The following DPH6 variants were observed in gnomAD, a reference collection of about 807,000 sequenced individuals.
The protein encoded by DPH6 is diphthine--ammonia ligase.
Under a neutral mutation model 38.2 loss-of-function variants are expected in DPH6, and 33 were observed. That is an observed-to-expected ratio of 0.86 (90% CI 0.65 to 1.15). DPH6 has a LOEUF of 1.15. Ranked by LOEUF, DPH6 falls within the 50% of genes most tolerant of loss-of-function variation. The pLI, the probability that DPH6 is intolerant of heterozygous loss-of-function variation, is 0.00. For synonymous variants in DPH6, 108 were observed against 103.0 expected (o/e 1.05, Z -0.30); for missense variants, 325 against 320.0 (o/e 1.02, Z -0.12).
At chr15:35,395,000 C>CA (rs143449344) in intron 6 of DPH6, among the ~76,000 whole-genome samples, 50,253 of 151,938 alleles carry the variant, frequency 0.33, 9,270 homozygotes, top group African/African-American at 0.5. Flanking sequence ...AATTGTGCTC[C>CA]ATCTGATAGG....
At chr15:35,467,521 G>A (rs1481607423) in intron 3 of DPH6, among the ~76,000 whole-genome samples, 3 of 152,118 alleles carry the variant, frequency 2.0e-5, no homozygotes, top group Admixed American at 6.6e-5. Context: ...AGCTGAGATC[G>A]CACCACGGCA....
intron 6 of DPH6, among the ~76,000 whole-genome samples, chr15:35,404,248 T>G (rs1397021666): frequency 6.6e-6 from 1 of 152,164 alleles, no homozygotes; most frequent in East Asian, 1.9e-4. Flanking sequence ...TATCTAGCAG[T>G]GAGATTGCTG....
intron 3 of DPH6, among the ~76,000 whole-genome samples, chr15:35,319,628 C>T (rs79369320): frequency 6.6e-6 from 1 of 152,186 alleles, no homozygotes; most frequent in East Asian, 1.9e-4. Flanking sequence ...ATAATCCCAG[C>T]TACTCAGAAG....
intron 3 of DPH6, among the ~76,000 whole-genome samples, chr15:35,537,503 T>C (rs1349937721): frequency 3.3e-5 from 5 of 152,172 alleles, no homozygotes; most frequent in African/African-American, 7.2e-5. Flanking sequence ...AGTTGCTTAA[T>C]ATAAAATCAT....
chr15:35,287,953 T>C (rs1180287658), intron 3 of DPH6, among the ~76,000 whole-genome samples: 1 of 152,216 alleles, frequency 6.6e-6, no homozygotes, highest in East Asian at 1.9e-4. Flanking sequence ...TCAAAGACAG[T>C]GGCATCACTG....
At chr15:35,393,945 GA>G (rs1307048290) in intron 6 of DPH6, among the ~76,000 whole-genome samples, 1 of 152,070 alleles carries the variant, frequency 6.6e-6, no homozygotes, top group Non-Finnish European at 1.5e-5. Flanking sequence ...AGTTTTCTGG[GA>G]GAGTCCAGAG....
At chr15:35,412,846 T>C (rs961036009) in intron 5 of DPH6, among the ~76,000 whole-genome samples, 6 of 151,754 alleles carry the variant, frequency 4.0e-5, no homozygotes, top group South Asian at 2.1e-4. Flanking sequence ...CAAGGTTAAA[T>C]AGGCAGAACA....
chr15:35,519,485 C>T (rs1012224636), intron 3 of DPH6: 1 of 151,942 alleles, frequency 6.6e-6, no homozygotes, highest in Non-Finnish European at 1.5e-5. Context: ...TGATGAACGT[C>T]TGATAAAACT....
chr15:35,171,781 T>A, the DPH6 span, among the ~76,000 whole-genome samples: 1 of 152,032 alleles, frequency 6.6e-6, no homozygotes. Context: ...GGGACTTAAA[T>A]ATAAACACAA....
chr15:35,465,014 T>G (rs2054110714), intron 3 of DPH6, among the ~76,000 whole-genome samples: 1 of 152,182 alleles, frequency 6.6e-6, no homozygotes, highest in African/African-American at 2.4e-5. Context: ...GGTAGAAATC[T>G]AGACACAAAT....
chr15:35,391,404 T>C (rs2053055388), intron 6 of DPH6, among the ~76,000 whole-genome samples: 1 of 152,174 alleles, frequency 6.6e-6, no homozygotes, highest in Admixed American at 6.5e-5. Flanking sequence ...CAGAGGTTAT[T>C]GCTGTCTTTT....
At chr15:35,532,208 C>G (rs2055098992) in intron 3 of DPH6, among the ~76,000 whole-genome samples, 1 of 152,178 alleles carries the variant, frequency 6.6e-6, no homozygotes, top group Non-Finnish European at 1.5e-5. Context: ...GACTGCCAGG[C>G]CCTCTTCTTA....
intron 3 of DPH6, among the ~76,000 whole-genome samples, chr15:35,529,039 T>A (rs954290533): frequency 6.6e-6 from 1 of 152,204 alleles, no homozygotes; most frequent in Non-Finnish European, 1.5e-5. Flanking sequence ...AATTTCCTGC[T>A]TACAAGACTT....
intron 5 of DPH6, among the ~76,000 whole-genome samples, chr15:35,448,796 A>C (rs1240098815): frequency 6.6e-6 from 1 of 152,136 alleles, no homozygotes; most frequent in Non-Finnish European, 1.5e-5. Flanking sequence ...AATGAAACAA[A>C]GAAGCCAGAA....
chr15:35,375,053 C>G (rs2052762463), intron 7 of DPH6, among the ~76,000 whole-genome samples: 2 of 152,174 alleles, frequency 1.3e-5, no homozygotes, highest in South Asian at 2.1e-4. Flanking sequence ...TGACCCTGAG[C>G]CTTAACTATG....
At chr15:35,232,098 C>T (rs965992933) in intron 3 of DPH6, among the ~76,000 whole-genome samples, 1 of 152,062 alleles carries the variant, frequency 6.6e-6, no homozygotes, top group Non-Finnish European at 1.5e-5. Context: ...GAGTGAGGTG[C>T]TCAAAATGAG....
intron 3 of DPH6, among the ~76,000 whole-genome samples, chr15:35,234,143 CT>C (rs1328635029): frequency 6.6e-6 from 1 of 152,144 alleles, no homozygotes; most frequent in African/African-American, 2.4e-5. Flanking sequence ...GAAGAAATGG[CT>C]AGGAAGTAGT....
the DPH6 span, among the ~76,000 whole-genome samples, chr15:35,165,637 T>C: frequency 1.3e-5 from 2 of 151,916 alleles, no homozygotes; most frequent in Non-Finnish European, 2.9e-5. Flanking sequence ...ATTTTGTTCT[T>C]AGTGTGGTGA....
chr15:35,281,976 T>C (rs1159343622), intron 3 of DPH6, among the ~76,000 whole-genome samples: 1 of 152,242 alleles, frequency 6.6e-6, no homozygotes, highest in Non-Finnish European at 1.5e-5. Flanking sequence ...TACAGCATTA[T>C]TCTCACCAAG....
Sources: allele counts gnomAD v4.1 joint callset (sites outside exome capture counted in the v4.1 genomes callset), GRCh38; gene constraint gnomAD v4.1.1; transcripts MANE v1.5; gene names NCBI Gene and HGNC (gene_info 2026-07-23, HGNC 2026-07-21).